The following ATG16L2 variants were observed in gnomAD, a reference collection of about 807,000 sequenced individuals.
The protein encoded by ATG16L2 is protein Atg16l2.
A neutral mutation model predicts 84.7 loss-of-function variants in ATG16L2; 77 were observed. The observed-to-expected ratio is 0.91, with a 90% confidence interval of 0.76 to 1.10. The LOEUF (loss-of-function observed/expected upper bound fraction) is 1.10. Among genes scored for constraint, ATG16L2 ranks in the 50% least tolerant of loss-of-function variants. ATG16L2 has a pLI of 0.00. For missense variants in ATG16L2, 782 were observed against 817.6 expected (o/e 0.96, Z 0.53); for synonymous variants, 361 against 342.8 (o/e 1.05, Z -0.59).
chr11:72,841,218 T>C (rs918983453), intron 5 of ATG16L2, among the ~76,000 whole-genome samples: 3 of 151,240 alleles, frequency 2.0e-5, no homozygotes, highest in Admixed American at 6.6e-5. Context: ...CCTGTATTCC[T>C]AGCTACTAGG....
chr11:72,814,528 C>A lies in ATG16L2; in HGVS notation c.83C>A (p.Thr28Lys). The change falls in exon 1 of 18, where the codon ACG becomes AAG. Residue 28 changes from threonine to lysine, a missense_variant. Coordinates refer to ENST00000321297, the MANE Select transcript of ATG16L2 (RefSeq NM_033388.2). ...CGGCAGCTGCGGCTTCGGGACCGTA[C>A]GCAAAAGGCGCTTTTCCTGGAGCTG... ...IVRQLRLRDRTQKALFLELVP... is the reference protein window; with the variant it reads ...IVRQLRLRDRKQKALFLELVP... 5 of 1,571,544 alleles carry A rather than the reference C, an allele frequency of 3.2e-6. No individual in the cohort carries two copies. The highest frequency in any genetic ancestry group is 4.3e-6 in the Non-Finnish European group (5 of 1,158,208).
intron 17 of ATG16L2, 76 bp from the exon 18 acceptor site, chr11:72,829,227 C>A: frequency 6.6e-7 from 1 of 1,507,434 alleles, no homozygotes; most frequent in Non-Finnish European, 9.1e-7. Context: ...CTACCCAGGT[C>A]CAGCAGTCGG....
At chr11:72,819,885 A>G (rs960538799) in intron 3 of ATG16L2, among the ~76,000 whole-genome samples, 1 of 151,920 alleles carries the variant, frequency 6.6e-6, no homozygotes, top group African/African-American at 2.4e-5. Context: ...AGCTGGGACT[A>G]CAGGCGCCCG....
chr11:72,824,350 G>A (rs1352183511), intron 8 of ATG16L2: 13 of 595,470 alleles, frequency 2.2e-5, no homozygotes, highest in East Asian at 8.5e-5. Flanking sequence ...ATCCAAGGTC[G>A]TCACAGGGGA....
chr11:72,825,459 C>T (rs771630943), intron 10 of ATG16L2, 52 bp downstream of exon 10: 2 of 1,372,934 alleles, frequency 1.5e-6, no homozygotes, highest in Non-Finnish European at 2.1e-6. Context: ...CAGACCCTCT[C>T]CTCAGCTCAC....
rs1565270348 is a variant in ATG16L2, at chr11:72,826,810, CG to C, written c.1355del (p.Gly452AlafsTer57). ...ACCGGACAGTGAAGGAGTGGGACCT[CG>C]GCCGTGCCTATTGTGAGCCCGAGCC... ...RDRTVKEWDLGRAYCSRTINV... is the reference protein window; with the variant it reads ...RDRTVKEWDLXRAYCSRTINV... On this transcript the variant is annotated frameshift_variant, in exon 13 of 18. Coordinates refer to ENST00000321297, the MANE Select transcript of ATG16L2 (RefSeq NM_033388.2). LOFTEE classifies it high-confidence loss of function. 1.2e-6 allele frequency: 2 copies of C among 1,613,804 alleles called. No homozygotes were observed. The highest frequency in any genetic ancestry group is 1.7e-5 in the Admixed American group (1 of 60,010).
At chr11:72,839,752 T>C (rs2135146050) in intron 5 of ATG16L2, among the ~76,000 whole-genome samples, 1 of 152,238 alleles carries the variant, frequency 6.6e-6, no homozygotes, top group South Asian at 2.1e-4. Flanking sequence ...AACTGAGATA[T>C]CCACACATCT....
At chr11:72,843,087 C>T in exon 6 of ATG16L2, 1 of 1,512,972 alleles carries the variant, frequency 6.6e-7, no homozygotes, top group Non-Finnish European at 9.1e-7. Context: ...TGAAGGCTTA[C>T]TCCAGGGCAA....
chr11:72,826,700 C>T lies in ATG16L2; in HGVS notation c.1246-3C>T, dbSNP rs760194617. The T allele has an allele frequency of 1.2e-6, 2 of 1,614,140 alleles. No individual in the cohort carries two copies. The highest frequency in any genetic ancestry group is 2.2e-5 in the South Asian group (2 of 91,082). Reference sequence around the variant, plus strand: ...TTGATCCGTACCTGGGGCCGGGGTACAGGAGACACTGTCTGGACACAAGGA... The same window carrying T: ...TTGATCCGTACCTGGGGCCGGGGTATAGGAGACACTGTCTGGACACAAGGA... On this transcript the variant is annotated splice_region_variant and splice_polypyrimidine_tract_variant and intron_variant, in intron 12 of 17. Coordinates refer to ENST00000321297, the MANE Select transcript of ATG16L2 (RefSeq NM_033388.2).
intron 1 of ATG16L2, chr11:72,816,463 A>G (rs1859703484): frequency 4.7e-6 from 2 of 421,454 alleles, no homozygotes; most frequent in Non-Finnish European, 8.8e-6. Flanking sequence ...AGTACCCCGC[A>G]GTGGTCATCC....
chr11:72,830,798 T>TTCAC (rs1338531506), downstream of ATG16L2, among the ~76,000 whole-genome samples: 124 of 151,534 alleles, frequency 8.2e-4, no homozygotes, highest in Admixed American at 1.2e-3. Flanking sequence ...TATTCATTCA[T>TTCAC]TCATTTACTC....
In ATG16L2 at chr11:72,824,781, G is replaced by A. The variant is rs764908171; in HGVS notation, c.935G>A (p.Arg312Gln). 10 of 1,612,722 alleles carry A rather than the reference G, an allele frequency of 6.2e-6. No homozygotes were observed. The highest frequency in any genetic ancestry group is 1.7e-5 in the Admixed American group (1 of 59,806). Residue 312 changes from arginine to glutamine, a missense_variant, in exon 9 of 18, where the codon CGA becomes CAA. Coordinates refer to ENST00000321297, the MANE Select transcript of ATG16L2 (RefSeq NM_033388.2). ...GHSIGGAPEQRYQIIPVCVAA... is the reference protein window; with the variant it reads ...GHSIGGAPEQQYQIIPVCVAA... ...TCAATTGGGGGAGCCCCTGAGCAGC[G>A]ATACCAGATCATCCCTGTGTGTGTG...
At chr11:72,837,061 A>G (rs572055260) in intron 5 of ATG16L2, 6 of 152,252 alleles carry the variant, frequency 3.9e-5, no homozygotes, top group Non-Finnish European at 8.8e-5. Flanking sequence ...ACAGAATACA[A>G]GACTGGGTGG....
chr11:72,821,465 G>A, intron 3 of ATG16L2: 1 of 1,393,404 alleles, frequency 7.2e-7, no homozygotes, highest in Non-Finnish European at 9.3e-7. Flanking sequence ...ACCCAGGGCT[G>A]ACTCCAGAGC....
Position 72,822,729 on chromosome 11 carries a change from G to A in ATG16L2, c.711-119G>A. On this transcript the variant is annotated intron_variant, in intron 6 of 17. Coordinates refer to ENST00000321297, the MANE Select transcript of ATG16L2 (RefSeq NM_033388.2). The surrounding 1 kb of genome is among the most constrained non-coding windows in gnomAD (Gnocchi z 4.2). ...GAGCCTGCATGCGTGACCGCTGCAC[G>A]TGTACACCCACACAGAACCCTCATC... The A allele has an allele frequency of 9.8e-7, 1 of 1,021,332 alleles. No individual in the cohort carries two copies. Among genetic ancestry groups the A allele is most frequent in the Non-Finnish European group, 1.4e-6 (1 of 696,778 alleles). 63.3% of individuals were successfully genotyped at this position (1,021,332 alleles called of 1,614,324 possible).
rs371279032 is a variant in ATG16L2 at position 72,826,596 on chromosome 11, C to T, written c.1245+7C>T. ...GGGGGAGGCACAGTCCAAGGTGAGGCCTGACTGGGGAGGCTGCCTGGAGGT... is the reference window on the plus strand; with the variant it reads ...GGGGGAGGCACAGTCCAAGGTGAGGTCTGACTGGGGAGGCTGCCTGGAGGT... On this transcript the variant is annotated splice_region_variant and intron_variant, in intron 12 of 17. Transcript: ENST00000321297. 1.2e-5 allele frequency: 19 copies of T among 1,614,102 alleles called. No homozygotes were observed. The South Asian group carries it at 1.8e-4, about 15-fold the overall frequency.
rs1860087077 is a variant in ATG16L2 at position 72,822,728 on chromosome 11, C to T, written c.711-120C>T. ...GGAGCCTGCATGCGTGACCGCTGCA[C>T]GTGTACACCCACACAGAACCCTCAT... On this transcript the variant is annotated intron_variant, in intron 6 of 17. Coordinates refer to ENST00000321297, the MANE Select transcript of ATG16L2 (RefSeq NM_033388.2). The surrounding 1 kb of genome is among the most constrained non-coding windows in gnomAD (Gnocchi z 4.2). 3.0e-6 allele frequency: 3 copies of T among 1,012,030 alleles called. No individual in the cohort carries two copies. Among genetic ancestry groups the T allele is most frequent in the Non-Finnish European group, 4.4e-6 (3 of 688,668 alleles). 62.7% of individuals were successfully genotyped at this position (1,012,030 alleles called of 1,614,324 possible). A position where few individuals can be genotyped will look rare whatever the true frequency, so the allele number is the denominator to read the frequency against.
intron 4 of ATG16L2, 96 bp downstream of exon 4, chr11:72,821,837 C>A: frequency 2.7e-6 from 4 of 1,470,506 alleles, no homozygotes; most frequent in Non-Finnish European, 3.6e-6. Flanking sequence ...GGGCCGAGAT[C>A]TTTCCCTACG....
chr11:72,841,514 G>C, intron 5 of ATG16L2: 9 of 1,611,432 alleles, frequency 5.6e-6, no homozygotes, highest in Non-Finnish European at 7.6e-6. Context: ...CTGGGGTAGG[G>C]GCTGCTGGGA....
Sources: allele counts gnomAD v4.1 joint callset (sites outside exome capture counted in the v4.1 genomes callset), GRCh38; gene constraint gnomAD v4.1.1; non-coding constraint Gnocchi (gnomAD v3.1); transcripts MANE v1.5; gene names NCBI Gene and HGNC (gene_info 2026-07-23, HGNC 2026-07-21).